TRPM8: variants seen among roughly 807,000 people sequenced by gnomAD.
TRPM8 encodes TRPM8 cationic channel.
A neutral mutation model predicts 133.7 loss-of-function variants in TRPM8; 110 were observed. The ratio of observed to expected loss-of-function variants is 0.82; its 90% CI spans 0.70 to 0.96. The LOEUF is 0.96. Ranked by LOEUF, TRPM8 falls within the 40% of genes least tolerant of loss-of-function variation. TRPM8 has a pLI of 0.00. For missense variants in TRPM8, 1,291 were observed against 1,379.5 expected, an observed-to-expected ratio of 0.94 and a Z score of 1.02; for synonymous variants, 535 against 532.3, an observed-to-expected ratio of 1.01 and a Z score of -0.07.
At chr2:233,970,086 G>A (rs900145179) in intron 16 of TRPM8, 124 bp from the exon 17 acceptor site, 2 of 917,244 alleles carry the variant, frequency 2.2e-6, no homozygotes, top group South Asian at 1.4e-5. Context: ...CTTAGGACAC[G>A]GTTTTGCTCC....
chr2:233,982,956 C>T, intron 19 of TRPM8, 97 bp from the exon 20 acceptor site: 7 of 1,369,690 alleles, frequency 5.1e-6, no homozygotes, highest in Non-Finnish European at 7.0e-6. Context: ...CCTGGAACCG[C>T]TGCTCTTCTC....
In TRPM8 at chr2:234,012,463, T is replaced by G. The variant is rs553199477; in HGVS notation, c.3265-2099T>G. Reference sequence around the variant, plus strand: ...GCCCAGCAGTCCTAACAGTTTTTTTTTGTGTGTGTGAGAGTGTGTGTGTGT... The same window carrying G: ...GCCCAGCAGTCCTAACAGTTTTTTTGTGTGTGTGTGAGAGTGTGTGTGTGT... On this transcript the variant is annotated intron_variant, in intron 24 of 25. Transcript: ENST00000324695. Among the ~76,000 whole-genome samples the G allele has an allele frequency of 4.6e-3, 657 of 142,288 alleles. 4 individuals are homozygous for G. Among genetic ancestry groups the G allele is most frequent in the Non-Finnish European group, 5.7e-3 (377 of 66,242 alleles). 93.3% of individuals were successfully genotyped at this position (142,288 alleles called of 152,430 possible).
chr2:233,936,553 T>C (rs1690747384), intron 3 of TRPM8, among the ~76,000 whole-genome samples: 1 of 152,190 alleles, frequency 6.6e-6, no homozygotes, highest in Non-Finnish European at 1.5e-5. Context: ...CTGGAACATT[T>C]TGGGTCTCTG....
At chr2:233,970,593 C>T in intron 17 of TRPM8, 167 bp downstream of exon 17, 1 of 642,114 alleles carries the variant, frequency 1.6e-6, no homozygotes, top group South Asian at 1.9e-5. Context: ...ATTTTCATAC[C>T]CTTAGTAATT....
chr2:233,947,415 T>G, intron 8 of TRPM8: 1 of 1,475,920 alleles, frequency 6.8e-7, no homozygotes, highest in Non-Finnish European at 9.1e-7. Context: ...AAGAGAAGAG[T>G]TGACATTAAT....
At chr2:233,969,958 G>T in intron 16 of TRPM8, 151 bp downstream of exon 16, 1 of 696,036 alleles carries the variant, frequency 1.4e-6, no homozygotes. Flanking sequence ...TTTCTCCCCT[G>T]ACTTTTCCTG....
intron 9 of TRPM8, among the ~76,000 whole-genome samples, chr2:233,950,817 G>A (rs1283614076): frequency 6.6e-6 from 1 of 152,174 alleles, no homozygotes; most frequent in African/African-American, 2.4e-5. Context: ...GAATTCTGTT[G>A]GTTGGGAAAA....
chr2:234,014,795 A>AAAAC (rs1335555895), intron 25 of TRPM8, 141 bp downstream of exon 25: 1 of 460,330 alleles, frequency 2.2e-6, no homozygotes, highest in African/African-American at 2.1e-5. Flanking sequence ...AAAAAAAAAA[A>AAAAC]ATACAGAGAT....
At chr2:233,969,036 A>T in intron 15 of TRPM8, among the ~76,000 whole-genome samples, 1 of 152,174 alleles carries the variant, frequency 6.6e-6, no homozygotes. Flanking sequence ...ATTTGTGATC[A>T]TTGAAGACAA....
rs771871388 is a variant in TRPM8, at chr2:233,949,971, A to G, written c.965A>G (p.Asn322Ser). The G allele has an allele frequency of 3.1e-6, 5 of 1,614,006 alleles. No individual in the cohort carries two copies. In the African/African-American group the frequency reaches 6.7e-5, roughly 22 times the overall value. Reference protein sequence around the residue: ...TLKAINTSIKNKIPCVVVEGS... With the variant: ...TLKAINTSIKSKIPCVVVEGS... ...CAGGCCATCAATACCTCCATCAAAA[A>G]TAAAATTCCTTGTGTGGTGGTGGAA... The change falls in exon 9 of 26, where the codon AAT becomes AGT. Residue 322 changes from asparagine to serine, a missense_variant. Around this residue, in one of 2 missense-constraint regions of TRPM8, gnomAD observed 963 missense variants for 968.9 expected, o/e 0.99. Coordinates refer to ENST00000324695, the MANE Select transcript of TRPM8 (RefSeq NM_024080.5).
intron 22 of TRPM8, 140 bp downstream of exon 22, chr2:233,996,656 C>T (rs1208691441): frequency 3.8e-6 from 3 of 782,122 alleles, no homozygotes; most frequent in East Asian, 5.2e-5. Context: ...AAGATCAGGC[C>T]TCAGGCCAAC....
intron 22 of TRPM8, among the ~76,000 whole-genome samples, chr2:234,006,207 G>C (rs11563205): frequency 6.6e-6 from 1 of 152,108 alleles, no homozygotes; most frequent in East Asian, 1.9e-4. Flanking sequence ...CATTGCATTC[G>C]TACCTGAAAT....
intron 22 of TRPM8, among the ~76,000 whole-genome samples, chr2:234,002,104 C>G (rs560630172): frequency 8.6e-5 from 13 of 151,828 alleles, no homozygotes; most frequent in African/African-American, 3.1e-4. Flanking sequence ...AAACCCTTGA[C>G]TAGAGTGCAT....
chr2:233,926,804 C>T (rs375408762), intron 2 of TRPM8, 150 bp downstream of exon 2: 12 of 649,148 alleles, frequency 1.8e-5, no homozygotes, highest in East Asian at 5.6e-5. Context: ...CTCTTGTTTC[C>T]GGTCTGAGCC....
intron 24 of TRPM8, among the ~76,000 whole-genome samples, chr2:234,010,104 A>G (rs1692799669): frequency 6.6e-6 from 1 of 152,104 alleles, no homozygotes; most frequent in Admixed American, 6.5e-5. Flanking sequence ...CATAACAGAA[A>G]CTTTCTGCCC....
chr2:233,928,963 T>A (rs17863841), intron 2 of TRPM8, among the ~76,000 whole-genome samples: 12,154 of 151,910 alleles, frequency 0.08, 599 homozygotes, highest in Middle Eastern at 0.15. Context: ...ATTCATGGAA[T>A]TGTACTATGA....
intron 15 of TRPM8, 22 bp downstream of exon 15, chr2:233,966,777 G>T (rs200771586): frequency 2.5e-5 from 38 of 1,510,724 alleles, no homozygotes; most frequent in Admixed American, 8.8e-5. Flanking sequence ...TCAGCCACCA[G>T]ACCACACGGC....
chr2:234,007,438 G>C (rs749279592), intron 23 of TRPM8, among the ~76,000 whole-genome samples: 2 of 152,184 alleles, frequency 1.3e-5, no homozygotes, highest in African/African-American at 2.4e-5. Context: ...TTTATGAATC[G>C]CATGAAGCTG....
chr2:233,979,543 C>T (rs1427314342), intron 17 of TRPM8, among the ~76,000 whole-genome samples: 4 of 150,364 alleles, frequency 2.7e-5, no homozygotes, highest in Non-Finnish European at 4.4e-5. Flanking sequence ...CGGGAAAATG[C>T]GAAAAGAGAA....
Sources: gnomAD v4.1 joint callset for allele counts (sites outside exome capture counted in the v4.1 genomes callset) on GRCh38, gnomAD v4.1.1 for gene constraint, gnomAD v4.1.1 regional missense constraint, MANE v1.5 for transcripts, NCBI Gene and HGNC (gene_info 2026-07-23, HGNC 2026-07-21) for gene names.